Variants in ABCB9 observed in about 807,000 individuals in gnomAD.
ABCB9 encodes the protein ABC-type oligopeptide transporter ABCB9.
In ABCB9, 36 loss-of-function variants were observed where a neutral mutation model predicts 62.0. That is an observed-to-expected ratio of 0.58 (90% CI 0.45 to 0.77). The LOEUF (loss-of-function observed/expected upper bound fraction) is 0.77, where lower values mean the gene tolerates loss of function less well. ABCB9 is among the 30% of genes least tolerant of loss of function. The pLI is 0.00. For missense variants in ABCB9, 943 were observed against 1,054.7 expected (o/e 0.89, Z 1.47); for synonymous variants, 435 against 461.4 (o/e 0.94, Z 0.73).
rs1566194246 is a variant in ABCB9, at chr12:122,959,997, CG to C, written c.238del (p.Arg80GlyfsTer20). Reference sequence around the variant, plus strand: ...GAGGGTGATGACCAGCCACGAGGCCCGCAGCCGCCGGGGCCCCAGCGCACTG... The same window carrying C: ...GAGGGTGATGACCAGCCACGAGGCCCCAGCCGCCGGGGCCCCAGCGCACTG... ...KNSALGPRRL[R>X]ASWLVITLVC... is the part of the protein sequence containing the mutation. On this transcript the variant is annotated frameshift_variant, in exon 2 of 12. Transcript: ENST00000280560. LOFTEE classifies it high-confidence loss of function. This position sits in a 1 kb window ranked among gnomAD's most constrained non-coding sequence, Gnocchi z 5.4. 2 of 1,613,276 alleles carry C rather than the reference CG, an allele frequency of 1.2e-6. No homozygotes were observed. Among genetic ancestry groups the C allele is most frequent in the South Asian group, 2.2e-5 (2 of 91,088 alleles).
chr12:122,943,854 C>T (rs534222242), intron 7 of ABCB9, among the ~76,000 whole-genome samples: 4 of 152,228 alleles, frequency 2.6e-5, no homozygotes, highest in South Asian at 2.1e-4. Flanking sequence ...CGGCTCACTG[C>T]GGCCTTGACC....
Position 122,930,092 on chromosome 12 carries a change from G to A in ABCB9, c.2120C>T (p.Ala707Val), listed in dbSNP as rs538504962. 1.9e-5 allele frequency: 30 copies of A among 1,560,162 alleles called. No homozygotes were observed. Among genetic ancestry groups the A allele is most frequent in the African/African-American group, 1.5e-4 (11 of 73,758 alleles). Reference sequence around the variant, plus strand: ...CTTGTCCAGCACCACAATGAGGTGCGCGTGCTCCACGGTGCTCAGCCGGTG... The same window carrying A: ...CTTGTCCAGCACCACAATGAGGTGCACGTGCTCCACGGTGCTCAGCCGGTG... ...IAHRLSTVEH[A>V]HLIVVLDKGR... Residue 707 changes from alanine (A) to valine (V), a missense_variant, in exon 12 of 12, where the codon GCG becomes GTG. Coordinates refer to ENST00000280560, the MANE Select transcript of ABCB9 (RefSeq NM_019625.4). This position sits in a 1 kb window ranked among gnomAD's most constrained non-coding sequence, Gnocchi z 4.9.
At chr12:122,956,518 A>G (rs967298478) in intron 2 of ABCB9, among the ~76,000 whole-genome samples, 4 of 151,988 alleles carry the variant, frequency 2.6e-5, no homozygotes, top group African/African-American at 9.7e-5. Flanking sequence ...TTATTTTACT[A>G]TTTTATTATT....
At chr12:122,936,158 A>T in intron 9 of ABCB9, among the ~76,000 whole-genome samples, 1 of 152,220 alleles carries the variant, frequency 6.6e-6, no homozygotes, top group Non-Finnish European at 1.5e-5. Flanking sequence ...ATAAATGGGG[A>T]TTGGTTAAAT....
At chr12:122,921,409 T>C (rs1208300114) in intron 11 of ABCB9, among the ~76,000 whole-genome samples, 3 of 152,192 alleles carry the variant, frequency 2.0e-5, no homozygotes, top group Non-Finnish European at 4.4e-5. Flanking sequence ...AGCAAGACCC[T>C]GTCTCTAAAA....
rs769236871 is a variant in ABCB9 at position 122,946,115 on chromosome 12, C to G, written c.1161G>C (p.Glu387Asp). ...TVRSFANEEE[E>D]AEVYLRKLQQ... ...GCAGCTTCCGCAGGTACACCTCTGC[C>G]TCCTCCTCCTCATTGGCGAAGCTCC... The change falls in exon 6 of 12, where the codon GAG becomes GAC. Residue 387 changes from glutamate to aspartate, a missense_variant. Physicochemically the swap from Glu to Asp is conservative, Grantham distance 45 (BLOSUM62 2). Coordinates refer to ENST00000280560, the MANE Select transcript of ABCB9 (RefSeq NM_019625.4). The G allele has an allele frequency of 6.2e-7, 1 of 1,614,028 alleles. No homozygotes were observed. Among genetic ancestry groups the G allele is most frequent in the Non-Finnish European group, 8.5e-7 (1 of 1,179,974 alleles).
upstream of ABCB9, among the ~76,000 whole-genome samples, chr12:122,970,241 G>A (rs1207386712): frequency 6.6e-6 from 1 of 151,402 alleles, no homozygotes; most frequent in Non-Finnish European, 1.5e-5. Flanking sequence ...CACCATGCCC[G>A]GCTAATTTAT....
chr12:122,959,642 T>C lies in ABCB9; in HGVS notation c.594A>G (p.Ala198=), dbSNP rs2036783320. The C allele has an allele frequency of 6.4e-7, 1 of 1,557,410 alleles. No homozygotes were observed. Among genetic ancestry groups the C allele is most frequent in the South Asian group, 1.2e-5 (1 of 83,566 alleles). ...LVAASFFLIV[A]ALGETFLPYY... is the part of the protein sequence containing the mutation. ...CCCGAGGTCCTTACTTACCCAGAGC[T>C]GCCACGATGAGGAAGAAGGAGGCGG... Residue 198 remains alanine (A), a synonymous_variant, in exon 2 of 12, where the codon GCA becomes GCG. Coordinates refer to ENST00000280560, the MANE Select transcript of ABCB9 (RefSeq NM_019625.4). This position sits in a 1 kb window ranked among gnomAD's most constrained non-coding sequence, Gnocchi z 5.4.
At chr12:122,920,923 AT>A, downstream of ABCB9, 1 of 1,240,268 alleles carries the variant, frequency 8.1e-7, no homozygotes, top group Non-Finnish European at 1.1e-6. Flanking sequence ...TAAAAAAAAA[AT>A]CACATAAAGC....
At chr12:122,974,051 C>T (rs573622152) in intron 1 of ABCB9, among the ~76,000 whole-genome samples, 1 of 151,910 alleles carries the variant, frequency 6.6e-6, no homozygotes, top group African/African-American at 2.4e-5. Context: ...AGTAAATAAA[C>T]AAATAAATAA....
At chr12:122,924,940 A>T, downstream of ABCB9, 1 of 980,644 alleles carries the variant, frequency 1.0e-6, no homozygotes, top group Non-Finnish European at 1.5e-6. Flanking sequence ...TTTTTGAGAC[A>T]GAGTCTCACT....
chr12:122,949,859 A>C lies in ABCB9; in HGVS notation c.776T>G (p.Ile259Ser), dbSNP rs2036259746. The C allele has an allele frequency of 1.2e-6, 2 of 1,614,082 alleles. No homozygotes were observed. Among genetic ancestry groups the C allele is most frequent in the Non-Finnish European group, 1.7e-6 (2 of 1,180,000 alleles). The change falls in exon 4 of 12, where the codon ATT becomes AGT. Residue 259 changes from isoleucine (I) to serine (S), a missense_variant. Ile to Ser is a moderately radical substitution (Grantham distance 142). Transcript: ENST00000280560. ...IFTLIFARLN[I>S]RLRNCLFRSL... ...GCGGAAGAGACAGTTTCGAAGGCGA[A>C]TGTTCAGTCTGGCAAATATGAGGGT...
chr12:122,923,728 G>T (rs1489187995), intron 11 of ABCB9, among the ~76,000 whole-genome samples: 1 of 152,152 alleles, frequency 6.6e-6, no homozygotes. Context: ...TGCTTTATGT[G>T]CATGGGTATT....
chr12:122,966,240 G>C (rs1268948573), intron 1 of ABCB9, 47 bp downstream of exon 1: 1 of 152,302 alleles, frequency 6.6e-6, no homozygotes, highest in Non-Finnish European at 1.5e-5. Context: ...TGGCACCCTG[G>C]CCTGGAAAGG....
intron 5 of ABCB9, chr12:122,948,147 A>G (rs1277354337): frequency 6.5e-6 from 1 of 152,684 alleles, no homozygotes; most frequent in African/African-American, 2.4e-5. Flanking sequence ...TATATTGTCC[A>G]ATCTTGTCTC....
chr12:122,924,853 T>C (rs1038771389), downstream of ABCB9: 17 of 1,532,120 alleles, frequency 1.1e-5, no homozygotes, highest in African/African-American at 1.9e-4. Context: ...GCTAAATTAA[T>C]TGTAACAGAA....
intron 11 of ABCB9, among the ~76,000 whole-genome samples, chr12:122,921,709 G>T (rs562872491): frequency 6.6e-6 from 1 of 152,162 alleles, no homozygotes; most frequent in Admixed American, 6.5e-5. Flanking sequence ...TATGGGAGGC[G>T]GGGTTTGCAG....
At chr12:122,967,603 C>T (rs1002779843), upstream of ABCB9, among the ~76,000 whole-genome samples, 10 of 152,196 alleles carry the variant, frequency 6.6e-5, no homozygotes, top group Admixed American at 5.9e-4. Context: ...ATTCTCCTGC[C>T]TCAGCTTCCC....
intron 2 of ABCB9, among the ~76,000 whole-genome samples, chr12:122,958,238 TG>T (rs2036716056): frequency 6.6e-6 from 1 of 150,434 alleles, no homozygotes; most frequent in South Asian, 2.1e-4. Flanking sequence ...AGTCAAATGA[TG>T]GGAGACCAAC....
Sources: gnomAD v4.1 joint callset for allele counts (sites outside exome capture counted in the v4.1 genomes callset) on GRCh38, gnomAD v4.1.1 for gene constraint, Gnocchi (gnomAD v3.1) non-coding constraint, MANE v1.5 for transcripts, NCBI Gene and HGNC (gene_info 2026-07-23, HGNC 2026-07-21) for gene names.